Variants in RALYL observed in about 807,000 individuals in gnomAD.
RALYL encodes the protein RALY RNA binding protein like.
In RALYL, 29 loss-of-function variants were observed where a neutral mutation model predicts 35.1. The observed-to-expected ratio is 0.83, with a 90% CI of 0.61 to 1.13. RALYL has a LOEUF of 1.13. Ranked by LOEUF, RALYL falls within the 50% of genes most tolerant of loss-of-function variation. The probability of loss-of-function intolerance (pLI) is 0.00; values close to 1 mark genes in which losing one functional copy is unlikely to be tolerated. For missense variants in RALYL, 359 were observed against 360.4 expected, an observed-to-expected ratio of 1.00 and a Z score of 0.03; for synonymous variants, 120 against 127.6, an observed-to-expected ratio of 0.94 and a Z score of 0.40.
chr8:84,632,780 A>G (rs1442505285), intron 2 of RALYL, among the ~76,000 whole-genome samples: 1 of 151,938 alleles, frequency 6.6e-6, no homozygotes, highest in East Asian at 1.9e-4. Flanking sequence ...CATTATTTTG[A>G]ATAGGAAATG....
At chr8:84,184,928 T>G (rs1812109905) in intron 1 of RALYL, 4 of 1,596,822 alleles carry the variant, frequency 2.5e-6, no homozygotes, top group Non-Finnish European at 3.4e-6. Flanking sequence ...GAGCCGGAGC[T>G]GGAGACATTT....
chr8:84,331,724 G>A (rs542058080), intron 1 of RALYL, among the ~76,000 whole-genome samples: 2 of 152,200 alleles, frequency 1.3e-5, no homozygotes, highest in African/African-American at 4.8e-5. Context: ...CATAAAGCAG[G>A]TCAGTATATA....
At chr8:84,633,402 A>G (rs1391196587) in intron 2 of RALYL, among the ~76,000 whole-genome samples, 1 of 151,870 alleles carries the variant, frequency 6.6e-6, no homozygotes, top group East Asian at 1.9e-4. Context: ...TTTTAGCTGC[A>G]CAATTTAAAA....
intron 1 of RALYL, among the ~76,000 whole-genome samples, chr8:84,362,786 C>G (rs1853340713): frequency 6.6e-6 from 1 of 152,128 alleles, no homozygotes; most frequent in South Asian, 2.1e-4. Flanking sequence ...TCTTTGGGAA[C>G]AGCACCTTGG....
intron 2 of RALYL, among the ~76,000 whole-genome samples, chr8:84,719,786 A>G (rs527598118): frequency 1.1e-4 from 17 of 152,232 alleles, no homozygotes; most frequent in African/African-American, 3.8e-4. Context: ...TGGGGAGAAC[A>G]TTCAAAATTC....
chr8:84,697,361 T>C (rs963779922), intron 2 of RALYL, among the ~76,000 whole-genome samples: 2 of 152,026 alleles, frequency 1.3e-5, no homozygotes, highest in African/African-American at 4.8e-5. Context: ...TCAAAATTGT[T>C]TGGTTATGTG....
At position 84,396,669 on chromosome 8, in the gene RALYL, G is replaced by C. The variant is rs542767483; in HGVS notation, c.-23-132630G>C. ...AAATACTTAGGTCTTACCTATATTAGTAATGTCCACCTATTTTTAATTAAT... is the reference window on the plus strand; with the variant it reads ...AAATACTTAGGTCTTACCTATATTACTAATGTCCACCTATTTTTAATTAAT... On this transcript the variant is annotated intron_variant, in intron 1 of 8. Transcript: ENST00000521268. Among the ~76,000 whole-genome samples, 22 of 152,002 alleles carry C rather than the reference G, an allele frequency of 1.4e-4. No homozygotes were observed. In the South Asian group the frequency reaches 4.6e-3, roughly 32 times the overall value.
At position 84,530,487 on chromosome 8, in the gene RALYL, T is replaced by TA. The variant is rs11357141; in HGVS notation, c.256+925dup. On this transcript the variant is annotated intron_variant, in intron 2 of 8. Coordinates refer to ENST00000521268, the MANE Select transcript of RALYL (RefSeq NM_173848.7). ...AAGGGAACCCCCAATTTATCCAGTTTAAAAAAAAAAAAAAACTTTGATTCT... is the reference window on the plus strand; with the variant it reads ...AAGGGAACCCCCAATTTATCCAGTTTAAAAAAAAAAAAAAAACTTTGATTCT... Among the ~76,000 whole-genome samples the TA allele has an allele frequency of 9.9e-3, 1,421 of 143,844 alleles. 11 individuals carry two copies. The highest frequency in any genetic ancestry group is 0.022 in the African/African-American group (867 of 39,036). The allele number at this position is 143,844 out of a possible 152,430, so 94.4% of individuals were successfully genotyped here.
intron 1 of RALYL, among the ~76,000 whole-genome samples, chr8:84,405,017 T>G (rs1048574724): frequency 1.1e-4 from 16 of 152,150 alleles, no homozygotes; most frequent in African/African-American, 3.9e-4. Flanking sequence ...AAACAGACTG[T>G]CAGACCACAG....
At chr8:84,577,463 G>A (rs1809742443) in intron 2 of RALYL, among the ~76,000 whole-genome samples, 1 of 152,088 alleles carries the variant, frequency 6.6e-6, no homozygotes, top group African/African-American at 2.4e-5. Flanking sequence ...GCATTCATGG[G>A]GTTTGATTAG....
chr8:84,677,640 A>T (rs1271489026), intron 2 of RALYL, among the ~76,000 whole-genome samples: 1 of 152,226 alleles, frequency 6.6e-6, no homozygotes, highest in Non-Finnish European at 1.5e-5. Flanking sequence ...CTAAATAGAA[A>T]ATGCTTAAAA....
intron 1 of RALYL, among the ~76,000 whole-genome samples, chr8:84,468,844 T>A (rs1334950993): frequency 6.6e-6 from 1 of 152,126 alleles, no homozygotes; most frequent in Non-Finnish European, 1.5e-5. Context: ...TGCTCATTTC[T>A]TTTTATTCTT....
chr8:84,745,474 T>C (rs1589313723), intron 2 of RALYL, among the ~76,000 whole-genome samples: 1 of 152,016 alleles, frequency 6.6e-6, no homozygotes, highest in Admixed American at 6.6e-5. Context: ...GGCATACATA[T>C]GTATTAGAGA....
At chr8:84,825,250 A>G (rs1339585450) in intron 4 of RALYL, among the ~76,000 whole-genome samples, 1 of 152,172 alleles carries the variant, frequency 6.6e-6, no homozygotes, top group African/African-American at 2.4e-5. Flanking sequence ...GTAAATGGTC[A>G]TCATCACTAA....
intron 1 of RALYL, among the ~76,000 whole-genome samples, chr8:84,510,511 C>A (rs900687859): frequency 3.3e-5 from 5 of 152,054 alleles, no homozygotes; most frequent in Non-Finnish European, 5.9e-5. Flanking sequence ...ATGCTCTGAT[C>A]AAAAACATAC....
chr8:84,759,591 A>G (rs1812212353), intron 2 of RALYL, among the ~76,000 whole-genome samples: 1 of 152,208 alleles, frequency 6.6e-6, no homozygotes, highest in African/African-American at 2.4e-5. Flanking sequence ...TAAGAAATAT[A>G]TACATCTGGT....
chr8:84,546,152 C>G (rs531323154), intron 2 of RALYL, among the ~76,000 whole-genome samples: 47 of 151,732 alleles, frequency 3.1e-4, no homozygotes, highest in African/African-American at 9.7e-4. Flanking sequence ...TTTTTTTTGA[C>G]AAGGTCTCTG....
intron 3 of RALYL, among the ~76,000 whole-genome samples, chr8:84,777,320 G>C (rs1817066335): frequency 6.6e-6 from 1 of 152,120 alleles, no homozygotes; most frequent in Non-Finnish European, 1.5e-5. Context: ...GAGATTTTCT[G>C]AGCATCAAAC....
intron 6 of RALYL, chr8:84,864,746 G>T: frequency 3.4e-6 from 2 of 591,938 alleles, no homozygotes; most frequent in South Asian, 1.5e-5. Flanking sequence ...GGCAGGCCTG[G>T]TTTACATGGT....
Sources: allele counts gnomAD v4.1 joint callset (sites outside exome capture counted in the v4.1 genomes callset), GRCh38; gene constraint gnomAD v4.1.1; transcripts MANE v1.5; gene names NCBI Gene and HGNC (gene_info 2026-07-23, HGNC 2026-07-21).